A1BG: variants seen among roughly 807,000 people sequenced by gnomAD.
A1BG encodes the protein alpha-1-B glycoprotein, also known as alpha-1B-glycoprotein.
Under a neutral mutation model 46.0 loss-of-function variants are expected in A1BG, and 44 were observed. That is an observed-to-expected ratio of 0.96 (90% CI 0.75 to 1.23). The LOEUF is 1.23. A1BG is among the 50% of genes most tolerant of loss of function. The pLI, the probability that A1BG is intolerant of heterozygous loss-of-function variation, is 0.00. For synonymous variants in A1BG, 316 were observed against 314.7 expected (o/e 1.00, Z -0.04); for missense variants, 707 against 688.8 (o/e 1.03, Z -0.30).
chr19:58,350,623 C>T lies in A1BG; in HGVS notation c.939G>A (p.Pro313=). ...GCAAGGCCCTGCCGGACTCCGGCTC[C>T]GGGGAGAACTCCGGCGCGGGCAGCG... is the stretch of plus-strand genomic sequence containing the variant. ...DETLPAPEFS[P]EPESGRALRL... Residue 313 remains proline, a synonymous_variant, in exon 6 of 8, where the codon CCG becomes CCA. Transcript: ENST00000263100. 1 of 1,433,584 alleles carries T rather than the reference C, an allele frequency of 7.0e-7. No homozygotes were observed. Among genetic ancestry groups the T allele is most frequent in the South Asian group, 1.5e-5 (1 of 67,356 alleles). 88.8% of individuals were successfully genotyped at this position (1,433,584 alleles called of 1,614,324 possible). A position where few individuals can be genotyped will look rare whatever the true frequency, so the allele number is the denominator to read the frequency against.
In A1BG at chr19:58,350,398, G is replaced by A. The variant is rs2051946552; in HGVS notation, c.1164C>T (p.Pro388=). The A allele has an allele frequency of 6.5e-7, 1 of 1,548,768 alleles. No homozygotes were observed. Among genetic ancestry groups the A allele is most frequent in the Admixed American group, 2.0e-5 (1 of 50,932 alleles). The change falls in exon 6 of 8, where the codon CCC becomes CCT. Residue 388 remains proline, a synonymous_variant. Transcript: ENST00000263100. ...DLKPPFGGSA[P]SERLELHVDG... The stretch of plus-strand genomic sequence containing the variant: ...CCACGTGCAGCTCCAAGCGCTCGCT[G>A]GGCGCGGAGCCCCCGAAAGGCGGCT...
At chr19:58,350,039 G>T (rs1017575060) in intron 6 of A1BG, 4 of 264,780 alleles carry the variant, frequency 1.5e-5, no homozygotes, top group African/African-American at 9.0e-5. Context: ...GGGGCGGGGG[G>T]TCCAGTATGA....
At chr19:58,351,765 G>C (rs1288451375) in intron 4 of A1BG, 78 bp from the exon 5 acceptor site, 2 of 1,422,406 alleles carry the variant, frequency 1.4e-6, no homozygotes, top group Non-Finnish European at 1.9e-6. Flanking sequence ...TCTGCCCTCC[G>C]GGTGGCAATC....
chr19:58,346,997 ACAGCAC>A lies in A1BG; in HGVS notation c.*19_*24del, dbSNP rs2051917472. The A allele has an allele frequency of 6.2e-7, 1 of 1,613,882 alleles. No homozygotes were observed. The highest frequency in any genetic ancestry group is 8.5e-7 in the Non-Finnish European group (1 of 1,179,930). On this transcript the variant is annotated 3_prime_UTR_variant, in exon 8 of 8. Coordinates refer to ENST00000263100, the MANE Select transcript of A1BG (RefSeq NM_130786.4). ...ATCCCCGGCACTTCTGAGGACACCA[ACAGCAC>A]CCTGGGCCCGCGGCTGCATCAGCTT... is the stretch of plus-strand genomic sequence containing the variant.
At chr19:58,350,946 G>A (rs2051952592) in intron 5 of A1BG, 1 of 436,814 alleles carries the variant, frequency 2.3e-6, no homozygotes, top group African/African-American at 2.0e-5. Context: ...CCGCTCAGTA[G>A]TGGATTTGCT....
In A1BG at chr19:58,353,001, G is replaced by C. The variant is rs2051977763; in HGVS notation, c.267C>G (p.Gly89=). ...ACAAGCCCGAGCGGCAGCGGTAGCGGCCCTGGGTGTCACCCGTCAGCAGGA... is the reference window on the plus strand; with the variant it reads ...ACAAGCCCGAGCGGCAGCGGTAGCGCCCCTGGGTGTCACCCGTCAGCAGGA... The part of the protein sequence containing the change: ...HQFLLTGDTQ[G]RYRCRSGLST... Residue 89 remains glycine (G), a synonymous_variant, in exon 3 of 8, where the codon GGC becomes GGG. Coordinates refer to ENST00000263100, the MANE Select transcript of A1BG (RefSeq NM_130786.4). 6.2e-7 allele frequency: 1 copy of C among 1,614,024 alleles called. No individual in the cohort carries two copies. The highest frequency in any genetic ancestry group is 2.2e-5 in the East Asian group (1 of 44,888).
At position 58,347,585 on chromosome 19, in the gene A1BG, G is replaced by C. The variant is rs1392122577; in HGVS notation, c.1248C>G (p.Gly416=). Reference sequence around the variant, plus strand: ...CCTCGCAGCGCAGGACGGCATCTCGGCCCGCCAGGACCGCCCCACTCCACG... The same window carrying C: ...CCTCGCAGCGCAGGACGGCATCTCGCCCCGCCAGGACCGCCCCACTCCACG... ...RATWSGAVLA[G]RDAVLRCEGP... The change falls in exon 7 of 8, where the codon GGC becomes GGG. Residue 416 remains glycine, a synonymous_variant. Coordinates refer to ENST00000263100, the MANE Select transcript of A1BG (RefSeq NM_130786.4). 4 of 1,522,310 alleles carry C rather than the reference G, an allele frequency of 2.6e-6. No individual in the cohort carries two copies. The South Asian group carries it at 4.9e-5, about 19-fold the overall frequency. The allele number at this position is 1,522,310 out of a possible 1,614,324, so 94.3% of individuals were successfully genotyped here.
chr19:58,345,874 G>T lies in A1BG; in HGVS notation c.*1148C>A, dbSNP rs555123343. The T allele has an allele frequency of 3.3e-5, 5 of 152,342 alleles. No homozygotes were observed. The highest frequency in any genetic ancestry group is 2.0e-4 in the Admixed American group (3 of 15,302). The allele number at this position is 152,342 out of a possible 1,614,324, so 9.4% of individuals were successfully genotyped here. The stretch of plus-strand genomic sequence containing the variant: ...TGAAAAACACAATTCATCAACTATT[G>T]GTTGATAATACTGATACGCATCTTC... On this transcript the variant is annotated 3_prime_UTR_variant, in exon 8 of 8. Coordinates refer to ENST00000263100, the MANE Select transcript of A1BG (RefSeq NM_130786.4).
intron 6 of A1BG, chr19:58,350,022 C>T: frequency 4.3e-6 from 1 of 232,000 alleles, no homozygotes; most frequent in Non-Finnish European, 8.3e-6. Flanking sequence ...CCTGCGGGAC[C>T]GGGGCCGGGG....
chr19:58,352,734 G>A (rs1568554633), intron 3 of A1BG, 179 bp from the exon 4 acceptor site: 7 of 1,152,550 alleles, frequency 6.1e-6, no homozygotes, highest in Non-Finnish European at 3.7e-6. Context: ...AAGAGTGTGT[G>A]GGAGCTGTAC....
In A1BG at chr19:58,353,297, G is replaced by A; in HGVS notation, c.65C>T (p.Ala22Val). 6.2e-7 allele frequency: 1 copy of A among 1,613,494 alleles called. No individual in the cohort carries two copies. Among genetic ancestry groups the A allele is most frequent in the Non-Finnish European group, 8.5e-7 (1 of 1,179,840 alleles). Residue 22 changes from alanine to valine, a missense_variant, in exon 2 of 8, where the codon GCC (alanine) becomes GTC (valine). By Grantham distance (64) the Ala-to-Val change is moderately conservative. Transcript: ENST00000263100. ...GACCTCACCCCTGCACTCACATATG[G>A]CTGCTTCTGTCACTGGGCCCCAGGT... is the stretch of plus-strand genomic sequence containing the variant. Reference protein sequence around the residue: ...GVTWGPVTEAAIFYETQPSLW... With the variant: ...GVTWGPVTEAVIFYETQPSLW...
chr19:58,350,247 C>T (rs1039675639), intron 6 of A1BG, 123 bp downstream of exon 6: 6 of 1,254,214 alleles, frequency 4.8e-6, no homozygotes, highest in African/African-American at 4.7e-5. Context: ...CCGGGGTAGG[C>T]GATGGGGGCT....
At position 58,353,062 on chromosome 19, in the gene A1BG, G is replaced by A; in HGVS notation, c.206C>T (p.Pro69Leu). 1 of 1,614,112 alleles carries A rather than the reference G, an allele frequency of 6.2e-7. No homozygotes were observed. The change falls in exon 3 of 8, where the codon CCT (proline) becomes CTT (leucine). Residue 69 changes from proline to leucine, a missense_variant. Pro to Leu is a moderately conservative substitution (Grantham distance 98). Coordinates refer to ENST00000263100, the MANE Select transcript of A1BG (RefSeq NM_130786.4). ...GATGGCAGGTGAGTCAAGGTGCACAGGCTCCTGGGCCACCCCATTCTTGAA... is the reference window on the plus strand; with the variant it reads ...GATGGCAGGTGAGTCAAGGTGCACAAGCTCCTGGGCCACCCCATTCTTGAA... Reference protein sequence around the residue: ...QLFKNGVAQEPVHLDSPAIKH... With the variant: ...QLFKNGVAQELVHLDSPAIKH...
intron 4 of A1BG, chr19:58,352,017 A>C: frequency 8.3e-7 from 1 of 1,203,128 alleles, no homozygotes; most frequent in Non-Finnish European, 1.1e-6. Context: ...ACTGGTCTCG[A>C]TCTCTTGACC....
chr19:58,346,995 C>CCTGGGCCCT lies in A1BG; in HGVS notation c.*26_*27insAGGGCCCAG, dbSNP rs2051917400. 6.2e-7 allele frequency: 1 copy of CCTGGGCCCT among 1,613,918 alleles called. No homozygotes were observed. Among genetic ancestry groups the CCTGGGCCCT allele is most frequent in the Non-Finnish European group, 8.5e-7 (1 of 1,179,950 alleles). ...GAATCCCCGGCACTTCTGAGGACAC[C>CCTGGGCCCT]AACAGCACCCTGGGCCCGCGGCTGC... On this transcript the variant is annotated 3_prime_UTR_variant, in exon 8 of 8. Coordinates refer to ENST00000263100, the MANE Select transcript of A1BG (RefSeq NM_130786.4).
In A1BG at chr19:58,353,302, T is replaced by A; in HGVS notation, c.60A>T (p.Glu20Asp). 1 of 1,613,434 alleles carries A rather than the reference T, an allele frequency of 6.2e-7. No homozygotes were observed. The highest frequency in any genetic ancestry group is 8.5e-7 in the Non-Finnish European group (1 of 1,179,806). Residue 20 changes from glutamate to aspartate, a missense_variant, in exon 2 of 8, where the codon GAA becomes GAT. Glu to Asp is a conservative substitution (Grantham distance 45). Transcript: ENST00000263100. ...CACCCCTGCACTCACATATGGCTGC[T>A]TCTGTCACTGGGCCCCAGGTGACAC... The part of the protein sequence containing the change: ...LWGVTWGPVT[E>D]AAIFYETQPS...
In A1BG at chr19:58,345,479, C is replaced by T. The variant is rs1048368699; in HGVS notation, c.*1543G>A. 2.0e-5 allele frequency: 3 copies of T among 152,076 alleles called. No individual in the cohort carries two copies. The highest frequency in any genetic ancestry group is 7.2e-5 in the African/African-American group (3 of 41,408). 9.4% of individuals were successfully genotyped at this position (152,076 alleles called of 1,614,324 possible). On this transcript the variant is annotated 3_prime_UTR_variant, in exon 8 of 8. Coordinates refer to ENST00000263100, the MANE Select transcript of A1BG (RefSeq NM_130786.4). ...AGGAGTTGGAGACCAGCCTGGCCACCCAACAAGGTGAAACCCCATCTCTAC... is the reference window on the plus strand; with the variant it reads ...AGGAGTTGGAGACCAGCCTGGCCACTCAACAAGGTGAAACCCCATCTCTAC...
In A1BG at chr19:58,346,884, A is replaced by T; in HGVS notation, c.*138T>A. 1.1e-6 allele frequency: 1 copy of T among 923,254 alleles called. No individual in the cohort carries two copies. The highest frequency in any genetic ancestry group is 1.8e-6 in the Non-Finnish European group (1 of 550,826). 57.2% of individuals were successfully genotyped at this position (923,254 alleles called of 1,614,324 possible). The stretch of plus-strand genomic sequence containing the variant: ...AACAGAGCCTCTCTTCACATTTATT[A>T]ATTCCTGGGAGGAATGAGGGAGGCT... On this transcript the variant is annotated 3_prime_UTR_variant, in exon 8 of 8. Coordinates refer to ENST00000263100, the MANE Select transcript of A1BG (RefSeq NM_130786.4).
chr19:58,349,484 C>G (rs1186920351), intron 6 of A1BG: 2 of 151,782 alleles, frequency 1.3e-5, no homozygotes, highest in African/African-American at 4.8e-5. Context: ...AACCCGGTCT[C>G]TACTAAAAAT....
Sources: gnomAD v4.1 joint callset for allele counts on GRCh38, gnomAD v4.1.1 for gene constraint, MANE v1.5 for transcripts, NCBI Gene and HGNC (gene_info 2026-07-23, HGNC 2026-07-21) for gene names.